R3HDM2: variants seen among roughly 807,000 people sequenced by gnomAD.
The protein encoded by R3HDM2 is R3H domain-containing protein 2.
A neutral mutation model predicts 124.5 loss-of-function variants in R3HDM2; 38 were observed. The ratio of observed to expected loss-of-function variants is 0.31; its 90% confidence interval spans 0.24 to 0.40. R3HDM2 has a LOEUF of 0.40. Among genes scored for constraint, R3HDM2 ranks in the 10% least tolerant of loss-of-function variants. R3HDM2 has a pLI of 1.00. For synonymous variants in R3HDM2, 391 were observed against 448.0 expected (o/e 0.87, Z 1.61); for missense variants, 869 against 1,236.9 (o/e 0.70, Z 4.46).
intron 2 of R3HDM2, among the ~76,000 whole-genome samples, chr12:57,354,008 C>T (rs984788289): frequency 2.0e-5 from 3 of 152,094 alleles, no homozygotes; most frequent in South Asian, 2.1e-4. Context: ...TGCACGCCAC[C>T]ACACCCAGCT....
chr12:57,268,166 T>A (rs2042879430), intron 18 of R3HDM2, 137 bp downstream of exon 18: 1 of 877,150 alleles, frequency 1.1e-6, no homozygotes. Context: ...ATGAACTCCC[T>A]CATATTCTAC....
intron 2 of R3HDM2, among the ~76,000 whole-genome samples, chr12:57,318,156 G>A (rs1277648384): frequency 6.6e-6 from 1 of 151,832 alleles, no homozygotes; most frequent in African/African-American, 2.4e-5. Context: ...CGGGCATGGT[G>A]GGGTGTCTGC....
intron 2 of R3HDM2, among the ~76,000 whole-genome samples, chr12:57,316,374 A>C (rs566530303): frequency 6.6e-6 from 1 of 152,166 alleles, no homozygotes; most frequent in South Asian, 2.1e-4. Context: ...CCTTTTTGTG[A>C]CTGGTTTTAG....
At chr12:57,423,818 A>AC (rs2070442426) in intron 1 of R3HDM2, among the ~76,000 whole-genome samples, 1 of 147,216 alleles carries the variant, frequency 6.8e-6, no homozygotes, top group Non-Finnish European at 1.5e-5. Context: ...TAAAAAAAAA[A>AC]AAAAAAAAAA....
rs1422523039 is a variant in R3HDM2 at position 57,430,764 on chromosome 12, C to G, written c.-150G>C. On this transcript the variant is annotated 5_prime_UTR_variant, in exon 1 of 24. Transcript: ENST00000402412. ...GGAGGGCGCCCACGTCTCCGCCCGCCGCCCGGGCCCACGGCCGCTCGGCTG... is the reference window on the plus strand; with the variant it reads ...GGAGGGCGCCCACGTCTCCGCCCGCGGCCCGGGCCCACGGCCGCTCGGCTG... 5.7e-6 allele frequency: 1 copy of G among 176,518 alleles called. No homozygotes were observed. The highest frequency in any genetic ancestry group is 1.1e-5 in the Non-Finnish European group (1 of 92,094). 10.9% of individuals were successfully genotyped at this position (176,518 alleles called of 1,614,324 possible).
intron 14 of R3HDM2, chr12:57,272,308 T>G (rs1053988691): frequency 1.3e-5 from 9 of 707,138 alleles, no homozygotes; most frequent in Non-Finnish European, 2.3e-5. Context: ...TAGTTCAGCC[T>G]GTGCTGGTCC....
chr12:57,314,282 C>A (rs2054586308), intron 2 of R3HDM2, among the ~76,000 whole-genome samples: 1 of 151,846 alleles, frequency 6.6e-6, no homozygotes. Context: ...GAGTTAGAGA[C>A]CAGCCTGACC....
At chr12:57,349,269 A>C (rs768059190) in intron 2 of R3HDM2, among the ~76,000 whole-genome samples, 15 of 148,864 alleles carry the variant, frequency 1.0e-4, no homozygotes, top group Non-Finnish European at 1.6e-4. Flanking sequence ...AGTCCCAGCT[A>C]CTCGGGAGGC....
rs1266901348 is a variant in R3HDM2, at chr12:57,410,334, A to C, written c.-105-14516T>G. On this transcript the variant is annotated intron_variant, in intron 1 of 23. Transcript: ENST00000402412. Reference sequence around the variant, plus strand: ...GTATAACCTTAAAAAAAAAAAAAAAAAAAAAAAACTTCACATTTCATGAAC... The same window carrying C: ...GTATAACCTTAAAAAAAAAAAAAAACAAAAAAAACTTCACATTTCATGAAC... 7.3e-5 allele frequency among the ~76,000 whole-genome samples: 11 copies of C among 151,666 alleles called. 1 individual carries two copies. In the East Asian group the frequency reaches 2.1e-3, roughly 29 times the overall value.
intron 2 of R3HDM2, among the ~76,000 whole-genome samples, chr12:57,312,007 T>C (rs1426761677): frequency 2.0e-5 from 3 of 152,228 alleles, no homozygotes; most frequent in African/African-American, 7.2e-5. Flanking sequence ...CAACAATAGT[T>C]TGCAGAGGTT....
chr12:57,299,366 T>C lies in R3HDM2; in HGVS notation c.407A>G (p.Lys136Arg), dbSNP rs1351185987. ...KDKNKEKIPR[K>R]MLSRDSSQEY... ...AAACTCCTTACCTCTGGACAGCATCTTCCTTGGGATCTTTTCTTTGTTTTT... is the reference window on the plus strand; with the variant it reads ...AAACTCCTTACCTCTGGACAGCATCCTCCTTGGGATCTTTTCTTTGTTTTT... Residue 136 changes from lysine to arginine, a missense_variant, in exon 6 of 24, where the codon AAG becomes AGG. Transcript: ENST00000402412. 31 of 1,549,554 alleles carry C rather than the reference T, an allele frequency of 2.0e-5. No individual in the cohort carries two copies. Among genetic ancestry groups the C allele is most frequent in the Non-Finnish European group, 2.6e-6 (3 of 1,144,752 alleles).
chr12:57,394,539 A>G (rs1373076353), intron 2 of R3HDM2, among the ~76,000 whole-genome samples: 3 of 152,312 alleles, frequency 2.0e-5, no homozygotes, highest in East Asian at 1.9e-4. Flanking sequence ...TGGCGCATGT[A>G]TACCTTTAAT....
intron 2 of R3HDM2, among the ~76,000 whole-genome samples, chr12:57,350,640 A>C (rs1385280343): frequency 6.6e-6 from 1 of 152,156 alleles, no homozygotes; most frequent in Admixed American, 6.6e-5. Context: ...TCAAAAAATA[A>C]CTAAAACCAA....
At chr12:57,401,983 C>CA (rs967350872) in intron 1 of R3HDM2, among the ~76,000 whole-genome samples, 21 of 150,962 alleles carry the variant, frequency 1.4e-4, no homozygotes, top group Admixed American at 1.3e-3. Flanking sequence ...GACTCTGTGT[C>CA]AAAAAAATAA....
chr12:57,290,732 C>T (rs1255754127), intron 11 of R3HDM2, among the ~76,000 whole-genome samples: 2 of 152,318 alleles, frequency 1.3e-5, no homozygotes, highest in East Asian at 1.9e-4. Context: ...CCTGCCTCAG[C>T]CCCCTGAGTA....
At chr12:57,266,881 C>A in intron 18 of R3HDM2, 50 bp from the exon 19 acceptor site, 1 of 1,303,416 alleles carries the variant, frequency 7.7e-7, no homozygotes. Context: ...GGGATGAACA[C>A]AGCTCCTGGC....
intron 1 of R3HDM2, among the ~76,000 whole-genome samples, chr12:57,400,863 C>CT (rs2067985833): frequency 1.3e-5 from 2 of 152,094 alleles, no homozygotes; most frequent in Non-Finnish European, 2.9e-5. Context: ...GAAACAATAG[C>CT]TTTTCAGCAT....
At chr12:57,324,624 C>T (rs1012501782) in intron 2 of R3HDM2, among the ~76,000 whole-genome samples, 2 of 152,162 alleles carry the variant, frequency 1.3e-5, no homozygotes, top group Non-Finnish European at 2.9e-5. Context: ...CTATTTATTC[C>T]CCGATATCCA....
At chr12:57,378,975 C>G (rs1424206187) in intron 2 of R3HDM2, among the ~76,000 whole-genome samples, 5 of 152,114 alleles carry the variant, frequency 3.3e-5, no homozygotes, top group African/African-American at 1.2e-4. Flanking sequence ...ACGACAAATT[C>G]TGTATAATTC....
Sources: allele counts gnomAD v4.1 joint callset (sites outside exome capture counted in the v4.1 genomes callset), GRCh38; gene constraint gnomAD v4.1.1; transcripts MANE v1.5; gene names NCBI Gene and HGNC (gene_info 2026-07-23, HGNC 2026-07-21).